DSCAML1: variants seen among roughly 807,000 people sequenced by gnomAD.
DSCAML1 encodes the protein DS cell adhesion molecule like 1.
Under a neutral mutation model 200.5 loss-of-function variants are expected in DSCAML1, and 38 were observed. The observed-to-expected ratio is 0.19, with a 90% confidence interval of 0.15 to 0.25. The LOEUF (loss-of-function observed/expected upper bound fraction) is 0.25, where lower values mean the gene tolerates loss of function less well. DSCAML1 is among the 10% of genes least tolerant of loss of function. DSCAML1 has a pLI of 1.00. For synonymous variants in DSCAML1, 1,215 were observed against 1,165.0 expected (o/e 1.04, Z -0.87); for missense variants, 2,223 against 2,858.8 (o/e 0.78, Z 5.07).
At chr11:117,635,327 G>A (rs1035078601) in intron 3 of DSCAML1, among the ~76,000 whole-genome samples, 1 of 152,108 alleles carries the variant, frequency 6.6e-6, no homozygotes, top group African/African-American at 2.4e-5. Flanking sequence ...TCCCTGGCTG[G>A]TCAGGAATTT....
In DSCAML1 at chr11:117,433,169, G is replaced by A. The variant is rs763921201; in HGVS notation, c.4995C>T (p.Leu1665=). 5.0e-6 allele frequency: 8 copies of A among 1,614,122 alleles called. No individual in the cohort carries two copies. In the Admixed American group the frequency reaches 1.0e-4, roughly 20 times the overall value. The part of the protein sequence containing the change: ...LHIDIPRVQL[L]IEDKEGIKQL... ...GCTTGATGCCTTCTTTGTCCTCGAT[G>A]AGCAGCTGGACCCTGGGGATGTCAA... The change falls in exon 29 of 33, where the codon CTC becomes CTT. Residue 1665 remains leucine, a synonymous_variant. Coordinates refer to ENST00000651296, the MANE Select transcript of DSCAML1 (RefSeq NM_020693.4).
At chr11:117,517,923 TTGA>T (rs1188571527) in intron 7 of DSCAML1, among the ~76,000 whole-genome samples, 3 of 152,180 alleles carry the variant, frequency 2.0e-5, no homozygotes, top group Non-Finnish European at 4.4e-5. Context: ...CCTCTTACTC[TTGA>T]TGGTGTGAGC....
chr11:117,455,625 A>G (rs1183584646), intron 19 of DSCAML1, among the ~76,000 whole-genome samples: 1 of 152,180 alleles, frequency 6.6e-6, no homozygotes, highest in African/African-American at 2.4e-5. Context: ...TGTTCTTTTA[A>G]ATTTATTTTG....
intron 3 of DSCAML1, among the ~76,000 whole-genome samples, chr11:117,565,115 C>G: frequency 6.6e-6 from 1 of 152,098 alleles, no homozygotes; most frequent in East Asian, 1.9e-4. Flanking sequence ...TGCTGCATCC[C>G]GCCCCTCCCC....
chr11:117,427,805 G>A lies in DSCAML1; in HGVS notation c.*523C>T, dbSNP rs1439228096. On this transcript the variant is annotated 3_prime_UTR_variant, in exon 33 of 33. Transcript: ENST00000651296. ...TAACCTTTATTGCACACGGCGCTGG[G>A]TCTTTTTTCATAGAAAAAGGTATTA... The A allele has an allele frequency of 6.5e-6, 1 of 152,730 alleles. No homozygotes were observed. The highest frequency in any genetic ancestry group is 3.2e-3 in the Middle Eastern group (1 of 316). The allele number at this position is 152,730 out of a possible 1,614,324, so 9.5% of individuals were successfully genotyped here. A position where few individuals can be genotyped will look rare whatever the true frequency, so the allele number is the denominator to read the frequency against.
chr11:117,474,987 C>T (rs915674469), intron 14 of DSCAML1, among the ~76,000 whole-genome samples: 4 of 152,222 alleles, frequency 2.6e-5, no homozygotes, highest in Non-Finnish European at 4.4e-5. Flanking sequence ...GATCTCCTGA[C>T]CTCGTGATCT....
At chr11:117,497,084 G>A (rs993068117) in intron 11 of DSCAML1, among the ~76,000 whole-genome samples, 2 of 152,170 alleles carry the variant, frequency 1.3e-5, no homozygotes, top group African/African-American at 4.8e-5. Context: ...CCTGGAACTG[G>A]CGACACATGC....
intron 3 of DSCAML1, among the ~76,000 whole-genome samples, chr11:117,550,215 T>G (rs541480692): frequency 2.6e-5 from 4 of 152,376 alleles, no homozygotes; most frequent in Middle Eastern, 3.4e-3. Context: ...GGCTTAGTGC[T>G]AGATACTTTA....
At chr11:117,620,221 A>G (rs1242080330) in intron 3 of DSCAML1, among the ~76,000 whole-genome samples, 3 of 152,150 alleles carry the variant, frequency 2.0e-5, no homozygotes, top group African/African-American at 7.2e-5. Flanking sequence ...ATGAGGAAGC[A>G]GCTCCAGCCG....
At chr11:117,595,170 T>G (rs1033252567) in intron 3 of DSCAML1, among the ~76,000 whole-genome samples, 11 of 152,026 alleles carry the variant, frequency 7.2e-5, no homozygotes, top group African/African-American at 2.7e-4. Flanking sequence ...GAGGAAGGCT[T>G]TCTTCATAGC....
intron 3 of DSCAML1, among the ~76,000 whole-genome samples, chr11:117,646,886 T>C (rs1452586555): frequency 1.3e-5 from 2 of 150,438 alleles, no homozygotes; most frequent in Non-Finnish European, 3.0e-5. Flanking sequence ...GAAACCAACA[T>C]GGAGGAACCA....
intron 3 of DSCAML1, among the ~76,000 whole-genome samples, chr11:117,628,325 G>A (rs1026707189): frequency 6.6e-6 from 1 of 152,160 alleles, no homozygotes; most frequent in Non-Finnish European, 1.5e-5. Context: ...GCTTCCCAGG[G>A]TGGGGAGCGG....
At chr11:117,650,667 CTGTGTGTGTGTGTGTGTG>C (rs66966642) in intron 3 of DSCAML1, among the ~76,000 whole-genome samples, 1 of 143,434 alleles carries the variant, frequency 7.0e-6, no homozygotes, top group Non-Finnish European at 1.5e-5. Flanking sequence ...GTGTGTCTAT[CTGTGTGTGTGTGTGTGTG>C]TGTGTGTGTG....
intron 3 of DSCAML1, among the ~76,000 whole-genome samples, chr11:117,774,157 C>T (rs2055088345): frequency 6.6e-6 from 1 of 152,222 alleles, no homozygotes; most frequent in Non-Finnish European, 1.5e-5. Context: ...ATGTCTCTGT[C>T]CATGCCATTC....
In DSCAML1 at chr11:117,505,363, G is replaced by GC. The variant is rs2049473923; in HGVS notation, c.2062+90dup. Reference sequence around the variant, plus strand: ...AGATGCTGGAGCCCACCTTCCATGAGCCCGTGATTGGAACTGGAAATCTAG... The same window carrying GC: ...AGATGCTGGAGCCCACCTTCCATGAGCCCCGTGATTGGAACTGGAAATCTAG... On this transcript the variant is annotated intron_variant, in intron 9 of 32. Transcript: ENST00000651296. The surrounding 1 kb of genome is among the most constrained non-coding windows in gnomAD (Gnocchi z 6.7). 1 of 1,511,662 alleles carries GC rather than the reference G, an allele frequency of 6.6e-7. No individual in the cohort carries two copies. The highest frequency in any genetic ancestry group is 8.9e-7 in the Non-Finnish European group (1 of 1,123,514). The allele number at this position is 1,511,662 out of a possible 1,614,324, so 93.6% of individuals were successfully genotyped here.
At chr11:117,594,056 G>T (rs190989536) in intron 3 of DSCAML1, among the ~76,000 whole-genome samples, 1 of 152,202 alleles carries the variant, frequency 6.6e-6, no homozygotes, top group Admixed American at 6.5e-5. Flanking sequence ...AGGGAGTGGG[G>T]TCTCACCTGG....
At chr11:117,583,009 A>ATTATTATTATTATTG (rs1292570029) in intron 3 of DSCAML1, among the ~76,000 whole-genome samples, 1 of 150,210 alleles carries the variant, frequency 6.7e-6, no homozygotes, top group Non-Finnish European at 1.5e-5. Context: ...TATTATTATT[A>ATTATTATTATTATTG]TTATTATTAT....
chr11:117,585,471 T>C (rs1203051258), intron 3 of DSCAML1, among the ~76,000 whole-genome samples: 1 of 152,112 alleles, frequency 6.6e-6, no homozygotes, highest in Non-Finnish European at 1.5e-5. Flanking sequence ...GTGGTCTCCC[T>C]CTCCTGACCT....
chr11:117,563,500 G>A (rs685916), intron 3 of DSCAML1, among the ~76,000 whole-genome samples: 60,256 of 151,858 alleles, frequency 0.4, 12,222 homozygotes, highest in Middle Eastern at 0.45. Context: ...CTACTTCCAC[G>A]CTTTCATAGA....
Sources: allele counts gnomAD v4.1 joint callset (sites outside exome capture counted in the v4.1 genomes callset), GRCh38; gene constraint gnomAD v4.1.1; non-coding constraint Gnocchi (gnomAD v3.1); transcripts MANE v1.5; gene names NCBI Gene and HGNC (gene_info 2026-07-23, HGNC 2026-07-21).